LRP1B: variants seen among roughly 807,000 people sequenced by gnomAD.
LRP1B encodes low-density lipoprotein receptor-related protein 1B.
Under a neutral mutation model 556.6 loss-of-function variants are expected in LRP1B, and 217 were observed. The ratio of observed to expected loss-of-function variants is 0.39; its 90% CI spans 0.35 to 0.44. LRP1B has a LOEUF of 0.44. LRP1B is among the 20% of genes least tolerant of loss of function. The pLI, the probability that LRP1B is intolerant of heterozygous loss-of-function variation, is 1.00. For synonymous variants in LRP1B, 2,047 were observed against 1,865.8 expected, an observed-to-expected ratio of 1.10 and a Z score of -2.50; for missense variants, 5,053 against 5,620.8, an observed-to-expected ratio of 0.90 and a Z score of 3.23.
At chr2:141,882,798 C>A (rs868313723) in intron 1 of LRP1B, among the ~76,000 whole-genome samples, 1 of 152,164 alleles carries the variant, frequency 6.6e-6, no homozygotes, top group African/African-American at 2.4e-5. Context: ...ACCTCAAACT[C>A]CTGGGCTCCT....
At chr2:141,628,140 C>G (rs10928115) in intron 2 of LRP1B, among the ~76,000 whole-genome samples, 38,942 of 152,064 alleles carry the variant, frequency 0.26, 5,392 homozygotes, top group East Asian at 0.52. Flanking sequence ...TACAAATCTT[C>G]ACCTAAACTT....
intron 1 of LRP1B, among the ~76,000 whole-genome samples, chr2:141,813,566 GT>G (rs113879479): frequency 5.1e-4 from 74 of 144,182 alleles, no homozygotes; most frequent in South Asian, 6.6e-4. Flanking sequence ...TCAGATAAAG[GT>G]TTTTTTTTTT....
At chr2:141,568,515 G>C (rs976351026) in intron 2 of LRP1B, among the ~76,000 whole-genome samples, 1 of 151,038 alleles carries the variant, frequency 6.6e-6, no homozygotes, top group African/African-American at 2.4e-5. Context: ...ATATCCATCA[G>C]AATTCGGCAT....
chr2:141,219,878 C>G (rs971036676), intron 6 of LRP1B, among the ~76,000 whole-genome samples: 19 of 152,102 alleles, frequency 1.2e-4, no homozygotes, highest in South Asian at 2.1e-4. Flanking sequence ...GAAAAACAAA[C>G]AGAAAGCAAC....
At position 140,868,263 on chromosome 2, in the gene LRP1B, TCTA is replaced by T; in HGVS notation, c.4170-3_4170-1del. 2.1e-6 allele frequency: 3 copies of T among 1,462,114 alleles called. No individual in the cohort carries two copies. Among genetic ancestry groups the T allele is most frequent in the South Asian group, 1.4e-5 (1 of 72,658 alleles). 90.6% of individuals were successfully genotyped at this position (1,462,114 alleles called of 1,614,324 possible). On this transcript the variant is annotated splice_acceptor_variant and splice_polypyrimidine_tract_variant and intron_variant, in intron 25 of 90. Transcript: ENST00000389484. LOFTEE classifies it high-confidence loss of function. Reference sequence around the variant, plus strand: ...CATCCCAGTCTGTCCAGAAAAGAATTCTAAAAAAAAAAAAAAAAAAAGAAATAA... The same window carrying T: ...CATCCCAGTCTGTCCAGAAAAGAATTAAAAAAAAAAAAAAAAAAGAAATAA...
intron 66 of LRP1B, among the ~76,000 whole-genome samples, chr2:140,400,359 C>T (rs1370073352): frequency 6.6e-6 from 1 of 152,174 alleles, no homozygotes; most frequent in Non-Finnish European, 1.5e-5. Flanking sequence ...GGATTCTACA[C>T]TATCTCCCAG....
At chr2:140,475,689 A>G (rs979933395) in intron 59 of LRP1B, among the ~76,000 whole-genome samples, 2 of 151,748 alleles carry the variant, frequency 1.3e-5, no homozygotes, top group South Asian at 4.1e-4. Flanking sequence ...AATTATCACT[A>G]TATATACTTT....
intron 1 of LRP1B, among the ~76,000 whole-genome samples, chr2:142,068,782 C>G (rs911173601): frequency 4.0e-5 from 6 of 151,488 alleles, no homozygotes; most frequent in Non-Finnish European, 8.9e-5. Context: ...GATTTCATCT[C>G]TTTCTAAAAG....
At chr2:141,148,623 A>G (rs1574125947) in intron 7 of LRP1B, among the ~76,000 whole-genome samples, 1 of 152,288 alleles carries the variant, frequency 6.6e-6, no homozygotes, top group East Asian at 1.9e-4. Flanking sequence ...TCTGGTATTC[A>G]TGACGATAAA....
chr2:140,241,486 G>C (rs543062407), intron 87 of LRP1B, among the ~76,000 whole-genome samples: 2 of 150,768 alleles, frequency 1.3e-5, no homozygotes, highest in Non-Finnish European at 3.0e-5. Flanking sequence ...GATTTTACTT[G>C]TTCTACAGTT....
intron 41 of LRP1B, among the ~76,000 whole-genome samples, chr2:140,625,675 C>T (rs1292327767): frequency 6.6e-6 from 1 of 152,112 alleles, no homozygotes; most frequent in African/African-American, 2.4e-5. Context: ...ATCAAAACAA[C>T]AATGAGATAC....
intron 3 of LRP1B, among the ~76,000 whole-genome samples, chr2:141,350,774 T>C (rs1688416971): frequency 1.3e-5 from 2 of 152,082 alleles, no homozygotes; most frequent in Non-Finnish European, 2.9e-5. Flanking sequence ...AACTTTGCAC[T>C]TGCCTGATCA....
At chr2:141,101,666 C>T (rs1347252526) in intron 7 of LRP1B, among the ~76,000 whole-genome samples, 1 of 152,100 alleles carries the variant, frequency 6.6e-6, no homozygotes, top group East Asian at 1.9e-4. Flanking sequence ...TAAATGGCAA[C>T]ATGAAAGAAA....
At chr2:141,000,956 A>AT (rs1291251565) in intron 15 of LRP1B, among the ~76,000 whole-genome samples, 3 of 151,912 alleles carry the variant, frequency 2.0e-5, no homozygotes, top group Non-Finnish European at 4.4e-5. Flanking sequence ...CAACCCATAC[A>AT]TTTTTAATGG....
intron 3 of LRP1B, among the ~76,000 whole-genome samples, chr2:141,377,668 A>G (rs1025340778): frequency 1.3e-5 from 2 of 152,088 alleles, no homozygotes; most frequent in Non-Finnish European, 1.5e-5. Context: ...CTCATTATCC[A>G]CTACAAATAT....
chr2:140,308,025 C>A (rs1222990246), intron 83 of LRP1B, among the ~76,000 whole-genome samples: 1 of 151,652 alleles, frequency 6.6e-6, no homozygotes, highest in Non-Finnish European at 1.5e-5. Context: ...AAATTACTAC[C>A]TATTTGCTAA....
At chr2:141,263,067 C>A (rs1415022767) in intron 3 of LRP1B, among the ~76,000 whole-genome samples, 1 of 151,712 alleles carries the variant, frequency 6.6e-6, no homozygotes, top group Non-Finnish European at 1.5e-5. Context: ...TTAAATTTTT[C>A]ATGAGTTCCC....
chr2:140,941,436 T>C (rs1695399366), intron 20 of LRP1B, among the ~76,000 whole-genome samples: 1 of 152,098 alleles, frequency 6.6e-6, no homozygotes. Context: ...CTGTTCAAAG[T>C]TGCAGGATGT....
intron 10 of LRP1B, among the ~76,000 whole-genome samples, chr2:141,051,806 T>G (rs1020044494): frequency 2.0e-5 from 3 of 152,070 alleles, no homozygotes; most frequent in African/African-American, 7.2e-5. Flanking sequence ...TTTTATTATA[T>G]CCTTGATATT....
Sources: gnomAD v4.1 joint callset for allele counts (sites outside exome capture counted in the v4.1 genomes callset) on GRCh38, gnomAD v4.1.1 for gene constraint, MANE v1.5 for transcripts, NCBI Gene and HGNC (gene_info 2026-07-23, HGNC 2026-07-21) for gene names.